Variants in DIP2C observed in about 807,000 individuals in gnomAD.
DIP2C encodes the protein disco-interacting protein 2 homolog C.
DIP2C carries 33 observed loss-of-function variants against 192.4 expected under a neutral mutation model. The observed-to-expected ratio is 0.17, with a 90% CI of 0.13 to 0.23. The LOEUF (loss-of-function observed/expected upper bound fraction) is 0.23. Among genes scored for constraint, DIP2C ranks in the 10% least tolerant of loss-of-function variants. The pLI, the probability that DIP2C is intolerant of heterozygous loss-of-function variation, is 1.00. For missense variants in DIP2C, 1,537 were observed against 2,110.1 expected (o/e 0.73, Z 5.32); for synonymous variants, 979 against 864.1 (o/e 1.13, Z -2.33).
At chr10:300,170 G>T (rs1482802529) in intron 32 of DIP2C, among the ~76,000 whole-genome samples, 2 of 152,190 alleles carry the variant, frequency 1.3e-5, no homozygotes, top group African/African-American at 4.8e-5. Context: ...TATATACCCA[G>T]AAGAACTGAA....
intron 17 of DIP2C, among the ~76,000 whole-genome samples, chr10:374,163 C>T (rs1425985024): frequency 2.6e-5 from 4 of 152,184 alleles, no homozygotes; most frequent in African/African-American, 9.7e-5. Flanking sequence ...GTTTGTTACA[C>T]ACAGTGTTTA....
At chr10:590,867 A>G (rs114153283) in intron 1 of DIP2C, among the ~76,000 whole-genome samples, 315 of 152,268 alleles carry the variant, frequency 2.1e-3, no homozygotes, top group African/African-American at 7.4e-3. Flanking sequence ...GCCTCCCTCC[A>G]GCAGGAGTCC....
At chr10:355,272 G>A (rs756900306) in intron 24 of DIP2C, among the ~76,000 whole-genome samples, 4 of 152,212 alleles carry the variant, frequency 2.6e-5, no homozygotes, top group African/African-American at 4.8e-5. Flanking sequence ...CTCAGCATCC[G>A]TGACAACGTC....
chr10:378,353 G>C (rs1365649778), intron 17 of DIP2C, among the ~76,000 whole-genome samples: 1 of 152,322 alleles, frequency 6.6e-6, no homozygotes, highest in Non-Finnish European at 1.5e-5. Flanking sequence ...AGACACACAT[G>C]AAGGCACACA....
intron 1 of DIP2C, among the ~76,000 whole-genome samples, chr10:545,166 C>CTTTTTTTTTTTTT (rs60185327): frequency 7.3e-4 from 63 of 86,340 alleles, no homozygotes; most frequent in African/African-American, 1.3e-3. Context: ...GGTGTTTTCC[C>CTTTTTTTTTTTTT]TTTTTTTTTT....
intron 32 of DIP2C, among the ~76,000 whole-genome samples, chr10:303,363 T>C (rs914621625): frequency 2.0e-5 from 3 of 152,226 alleles, no homozygotes; most frequent in African/African-American, 7.2e-5. Context: ...ATAAGAAAAT[T>C]CCCTTGTTAA....
At chr10:298,030 C>T (rs913375629) in intron 32 of DIP2C, among the ~76,000 whole-genome samples, 2 of 152,172 alleles carry the variant, frequency 1.3e-5, no homozygotes, top group African/African-American at 2.4e-5. Context: ...TCTCAGAATG[C>T]GCACATATCC....
At chr10:326,767 A>G (rs1957289463) in intron 31 of DIP2C, among the ~76,000 whole-genome samples, 1 of 152,212 alleles carries the variant, frequency 6.6e-6, no homozygotes, top group Non-Finnish European at 1.5e-5. Flanking sequence ...CCCTGTCACA[A>G]AAGTTAAAAT....
At position 640,225 on chromosome 10, in the gene DIP2C, T is replaced by G. The variant is rs1308827334; in HGVS notation, c.85+49269A>C. Among the ~76,000 whole-genome samples, 13 of 152,278 alleles carry G rather than the reference T, an allele frequency of 8.5e-5. No homozygotes were observed. In the East Asian group the frequency reaches 2.5e-3, roughly 29 times the overall value. ...TCCCCACGGCTGGCGGGGCTCCCGGTGCAGGACACACAGACAGGCACGGCC... is the reference window on the plus strand; with the variant it reads ...TCCCCACGGCTGGCGGGGCTCCCGGGGCAGGACACACAGACAGGCACGGCC... On this transcript the variant is annotated intron_variant, in intron 1 of 36. Transcript: ENST00000280886.
rs949264462 is a variant in DIP2C, at chr10:298,418, C to T, written c.3987-9997G>A. 3.4e-4 allele frequency among the ~76,000 whole-genome samples: 52 copies of T among 152,328 alleles called. 1 individual carries two copies. Among genetic ancestry groups the T allele is most frequent in the Admixed American group, 3.3e-3 (50 of 15,306 alleles). ...GCTCATCACTGATGGTGACCTCGCA[C>T]TTAGCTGGGTCACGTTTGCAGGTTT... On this transcript the variant is annotated intron_variant, in intron 32 of 36. Transcript: ENST00000280886.
At chr10:494,775 G>A (rs1844695873) in intron 1 of DIP2C, among the ~76,000 whole-genome samples, 1 of 152,222 alleles carries the variant, frequency 6.6e-6, no homozygotes, top group South Asian at 2.1e-4. Flanking sequence ...GGGAACCCTT[G>A]CACGCTGTTG....
intron 4 of DIP2C, chr10:437,893 T>C (rs2133253398): frequency 6.6e-6 from 1 of 152,346 alleles, no homozygotes; most frequent in African/African-American, 2.4e-5. Context: ...CTAACCACTG[T>C]TACCAACAAC....
intron 17 of DIP2C, among the ~76,000 whole-genome samples, chr10:377,677 G>T (rs370925594): frequency 6.6e-6 from 1 of 152,092 alleles, no homozygotes; most frequent in Non-Finnish European, 1.5e-5. Context: ...CGTTTTCTCC[G>T]CTGTCACTCA....
intron 32 of DIP2C, among the ~76,000 whole-genome samples, chr10:301,958 GGTTTTCAAGTAGACTGCAA>G (rs146382396): frequency 0.19 from 28,505 of 151,974 alleles, 3,031 homozygotes; most frequent in African/African-American, 0.28. Context: ...TTTTCCCACT[GGTTTTCAAGTAGACTGCAA>G]GTTTTCAAGT....
intron 29 of DIP2C, among the ~76,000 whole-genome samples, chr10:329,905 G>A (rs970474880): frequency 1.3e-5 from 2 of 152,076 alleles, no homozygotes; most frequent in Non-Finnish European, 2.9e-5. Context: ...TCAGCAAACT[G>A]GATCCTCTTT....
At chr10:360,040 G>T (rs1273043922) in intron 22 of DIP2C, among the ~76,000 whole-genome samples, 4 of 152,180 alleles carry the variant, frequency 2.6e-5, no homozygotes, top group African/African-American at 9.7e-5. Context: ...ATGTTTTTAA[G>T]AATTCAGACT....
chr10:506,923 G>T (rs889953412), intron 1 of DIP2C, among the ~76,000 whole-genome samples: 2 of 152,190 alleles, frequency 1.3e-5, no homozygotes, highest in Non-Finnish European at 2.9e-5. Flanking sequence ...CACCCACTGT[G>T]CATGATCAGA....
At chr10:354,678 G>A (rs1564605033) in intron 24 of DIP2C, among the ~76,000 whole-genome samples, 1 of 152,064 alleles carries the variant, frequency 6.6e-6, no homozygotes, top group African/African-American at 2.4e-5. Context: ...GCCCCTGACT[G>A]CTTGCAGCTT....
At chr10:568,765 C>CAG (rs1849594048) in intron 1 of DIP2C, among the ~76,000 whole-genome samples, 1 of 37,862 alleles carries the variant, frequency 2.6e-5, no homozygotes, top group Non-Finnish European at 4.7e-5. Context: ...AACTCCGTCT[C>CAG]AAAAAAAAAA....
Sources: gnomAD v4.1 joint callset for allele counts (sites outside exome capture counted in the v4.1 genomes callset) on GRCh38, gnomAD v4.1.1 for gene constraint, MANE v1.5 for transcripts, NCBI Gene and HGNC (gene_info 2026-07-23, HGNC 2026-07-21) for gene names.